The following ZNRF1 variants were observed in gnomAD, a reference collection of about 807,000 sequenced individuals.
ZNRF1 encodes the protein E3 ubiquitin-protein ligase ZNRF1.
Under a neutral mutation model 18.4 loss-of-function variants are expected in ZNRF1, and 3 were observed. The observed-to-expected ratio is 0.16, with a 90% CI of 0.07 to 0.42. The LOEUF (loss-of-function observed/expected upper bound fraction) is 0.42. Among genes scored for constraint, ZNRF1 ranks in the 10% least tolerant of loss-of-function variants. ZNRF1 has a pLI of 0.99. For synonymous variants in ZNRF1, 157 were observed against 144.2 expected (o/e 1.09, Z -0.64); for missense variants, 310 against 329.8 (o/e 0.94, Z 0.47).
intron 1 of ZNRF1, among the ~76,000 whole-genome samples, chr16:75,009,722 C>T (rs567135033): frequency 4.6e-5 from 7 of 152,060 alleles, no homozygotes; most frequent in Middle Eastern, 3.4e-3. Context: ...TACTGTTTTC[C>T]ACAGTAGCTG....
chr16:75,093,316 C>T (rs1165712917), intron 1 of ZNRF1, among the ~76,000 whole-genome samples: 1 of 150,150 alleles, frequency 6.7e-6, no homozygotes, highest in African/African-American at 2.5e-5. Flanking sequence ...ACCCGGGATG[C>T]AGAGGTTGCA....
At chr16:75,011,143 C>T (rs981410061) in intron 1 of ZNRF1, among the ~76,000 whole-genome samples, 6 of 152,176 alleles carry the variant, frequency 3.9e-5, no homozygotes, top group Non-Finnish European at 7.3e-5. Flanking sequence ...CTTAAATAAC[C>T]TTTTCCCTGT....
intron 1 of ZNRF1, among the ~76,000 whole-genome samples, chr16:75,081,599 G>A (rs1466961937): frequency 6.6e-6 from 1 of 152,196 alleles, no homozygotes; most frequent in Non-Finnish European, 1.5e-5. Context: ...CAGCAGCAGT[G>A]GGTTTTGGGT....
At chr16:75,066,647 C>T (rs2035807662) in intron 1 of ZNRF1, among the ~76,000 whole-genome samples, 2 of 152,238 alleles carry the variant, frequency 1.3e-5, no homozygotes, top group South Asian at 4.1e-4. Context: ...GGATTACAGG[C>T]ATGCGCCACC....
At chr16:75,013,169 G>A (rs1373319603) in intron 1 of ZNRF1, among the ~76,000 whole-genome samples, 2 of 152,158 alleles carry the variant, frequency 1.3e-5, no homozygotes, top group African/African-American at 4.8e-5. Context: ...TCATATGACA[G>A]CATACAAGTA....
chr16:75,110,620 C>G lies in ZNRF1; in HGVS notation c.*2920C>G, dbSNP rs2036371325. On this transcript the variant is annotated 3_prime_UTR_variant, in exon 5 of 5. Coordinates refer to ENST00000335325, the MANE Select transcript of ZNRF1 (RefSeq NM_032268.5). ...GCCAAAATGTTCATTGTTGAATCTG[C>G]AGTGGCTGGTATTTCAGTGAACAGT... 6.6e-6 allele frequency: 1 copy of G among 152,254 alleles called. No homozygotes were observed. The highest frequency in any genetic ancestry group is 1.5e-5 in the Non-Finnish European group (1 of 68,052). 9.4% of individuals were successfully genotyped at this position (152,254 alleles called of 1,614,324 possible).
intron 1 of ZNRF1, among the ~76,000 whole-genome samples, chr16:75,003,364 C>G (rs1394155930): frequency 6.6e-6 from 1 of 152,216 alleles, no homozygotes; most frequent in Non-Finnish European, 1.5e-5. Context: ...GACTGTGTTC[C>G]TTGATCTCTG....
intron 1 of ZNRF1, among the ~76,000 whole-genome samples, chr16:75,004,057 C>T (rs2034887801): frequency 6.6e-6 from 1 of 151,748 alleles, no homozygotes; most frequent in South Asian, 2.1e-4. Context: ...GACTCCTGGG[C>T]TCAGTTGATC....
intron 1 of ZNRF1, among the ~76,000 whole-genome samples, chr16:75,068,414 G>C (rs556640977): frequency 6.6e-6 from 1 of 151,912 alleles, no homozygotes; most frequent in Admixed American, 6.6e-5. Context: ...CTCAGTTTGC[G>C]GGGGGCACAA....
In ZNRF1 at chr16:75,039,585, C is replaced by G. The variant is rs7203128; in HGVS notation, c.424+39490C>G. ...AAGAGGTACAGATTCCCAGGTTCCC[C>G]TTTGTTAGAGATTTGGATATAATAC... On this transcript the variant is annotated intron_variant, in intron 1 of 4. Coordinates refer to ENST00000335325, the MANE Select transcript of ZNRF1 (RefSeq NM_032268.5). 7.9e-3 allele frequency among the ~76,000 whole-genome samples: 1,202 copies of G among 152,256 alleles called. 25 individuals carry two copies. Among genetic ancestry groups the G allele is most frequent in the African/African-American group, 0.027 (1,124 of 41,532 alleles).
At chr16:75,039,685 C>T (rs796415863) in intron 1 of ZNRF1, among the ~76,000 whole-genome samples, 1 of 152,224 alleles carries the variant, frequency 6.6e-6, no homozygotes, top group African/African-American at 2.4e-5. Context: ...ATTTATGGGC[C>T]CCACCCCAGA....
intron 1 of ZNRF1, among the ~76,000 whole-genome samples, chr16:75,030,797 A>G (rs368617859): frequency 2.0e-5 from 3 of 150,532 alleles, no homozygotes; most frequent in East Asian, 3.9e-4. Flanking sequence ...AATGTTTTCA[A>G]GGTTCACTCA....
In ZNRF1 at chr16:74,999,725, C is replaced by G; in HGVS notation, c.54C>G (p.Val18=). ...AARSRGPFPG[V]STDDSAVPPP... ...GCTCCCGGGGCCCCTTCCCGGGGGT[C>G]TCCACCGATGACAGCGCCGTGCCGC... is the stretch of plus-strand genomic sequence containing the variant. Residue 18 remains valine (V), a synonymous_variant, in exon 1 of 5, where the codon GTC becomes GTG. Transcript: ENST00000335325. 1 of 1,379,574 alleles carries G rather than the reference C, an allele frequency of 7.2e-7. No individual in the cohort carries two copies. The highest frequency in any genetic ancestry group is 9.3e-7 in the Non-Finnish European group (1 of 1,073,332). 85.5% of individuals were successfully genotyped at this position (1,379,574 alleles called of 1,614,324 possible).
At chr16:75,059,221 CTTTCTTTCTTTTTTTT>C (rs1226435426) in intron 1 of ZNRF1, among the ~76,000 whole-genome samples, 9 of 119,266 alleles carry the variant, frequency 7.5e-5, no homozygotes, top group African/African-American at 2.7e-4. Context: ...TTCTTTCCTT[CTTTCTTTCTTTTTTTT>C]TTTTTTTCTT....
rs139951164 is a variant in ZNRF1, at chr16:75,031,410, G to A, written c.424+31315G>A. 2.4e-3 allele frequency among the ~76,000 whole-genome samples: 362 copies of A among 152,204 alleles called. 3 individuals are homozygous for A. Among genetic ancestry groups the A allele is most frequent in the Middle Eastern group, 0.02 (6 of 294 alleles). On this transcript the variant is annotated intron_variant, in intron 1 of 4. Transcript: ENST00000335325. ...CTCCCAAAGTGCTGGGATTACAGGG[G>A]AGCCACCGTGCCCGGCCATGTCCAA...
In ZNRF1 at chr16:75,003,758, T is replaced by A. The variant is rs143405264; in HGVS notation, c.424+3663T>A. Among the ~76,000 whole-genome samples the A allele has an allele frequency of 1.5e-4, 23 of 152,328 alleles. No homozygotes were observed. In the East Asian group the frequency reaches 3.9e-3, roughly 26 times the overall value. On this transcript the variant is annotated intron_variant, in intron 1 of 4. Transcript: ENST00000335325. ...CTGATTAGCTGCATGATTTGTGACC[T>A]TGGGCAAGCGAGTCATTTAACCTCA...
At chr16:75,095,651 G>A (rs2036189256) in intron 2 of ZNRF1, 4 of 1,550,200 alleles carry the variant, frequency 2.6e-6, no homozygotes, top group African/African-American at 2.7e-5. Flanking sequence ...CTGGCTCTCA[G>A]GAAGAACTTT....
intron 1 of ZNRF1, among the ~76,000 whole-genome samples, chr16:75,008,353 G>A (rs757778537): frequency 5.9e-5 from 9 of 152,158 alleles, no homozygotes; most frequent in Non-Finnish European, 1.2e-4. Context: ...GAGAATTGAA[G>A]TTGCTCTGAA....
At chr16:75,073,646 G>A (rs1431277920) in intron 1 of ZNRF1, among the ~76,000 whole-genome samples, 1 of 151,972 alleles carries the variant, frequency 6.6e-6, no homozygotes, top group African/African-American at 2.4e-5. Flanking sequence ...TTTTCTCTCA[G>A]CACTGTTTTT....
Sources: gnomAD v4.1 joint callset for allele counts (sites outside exome capture counted in the v4.1 genomes callset) on GRCh38, gnomAD v4.1.1 for gene constraint, MANE v1.5 for transcripts, NCBI Gene and HGNC (gene_info 2026-07-23, HGNC 2026-07-21) for gene names.